Variants in STXBP5 observed in about 807,000 individuals in gnomAD.
The protein encoded by STXBP5 is syntaxin binding protein 5.
STXBP5 carries 50 observed loss-of-function variants against 152.4 expected under a neutral mutation model. The observed-to-expected ratio is 0.33, with a 90% CI of 0.26 to 0.42. STXBP5 has a LOEUF of 0.42. Ranked by LOEUF, STXBP5 falls within the 10% of genes least tolerant of loss-of-function variation. The pLI, the probability that STXBP5 is intolerant of heterozygous loss-of-function variation, is 1.00. For synonymous variants in STXBP5, 492 were observed against 494.7 expected (o/e 0.99, Z 0.07); for missense variants, 1,167 against 1,388.6 (o/e 0.84, Z 2.54).
At chr6:147,316,787 C>G (rs1782667745) in intron 16 of STXBP5, among the ~76,000 whole-genome samples, 1 of 152,000 alleles carries the variant, frequency 6.6e-6, no homozygotes, top group Non-Finnish European at 1.5e-5. Flanking sequence ...TTTTAAGACT[C>G]AGTTGTTTTC....
chr6:147,293,511 C>CT (rs1781379372), intron 9 of STXBP5: 1 of 152,222 alleles, frequency 6.6e-6, no homozygotes, highest in Non-Finnish European at 1.5e-5. Flanking sequence ...CAGCACTCAT[C>CT]TTTTTCCTGT....
At chr6:147,236,496 A>G (rs1252782635) in intron 3 of STXBP5, among the ~76,000 whole-genome samples, 1 of 152,172 alleles carries the variant, frequency 6.6e-6, no homozygotes, top group East Asian at 1.9e-4. Context: ...TTATATAACA[A>G]TAGTATGATA....
intron 4 of STXBP5, among the ~76,000 whole-genome samples, chr6:147,246,133 T>C (rs1008596960): frequency 6.6e-6 from 1 of 152,236 alleles, no homozygotes; most frequent in Non-Finnish European, 1.5e-5. Context: ...AACTGAGAAT[T>C]TGATAAGTAA....
In STXBP5 at chr6:147,386,082, T is replaced by C. The variant is rs889805630; in HGVS notation, c.*1327T>C. ...GACAATGAATGATTGTTTCATAGAA[T>C]AGCATTACGGGCAGGAAAGAAACCA... is the stretch of plus-strand genomic sequence containing the variant. On this transcript the variant is annotated 3_prime_UTR_variant, in exon 28 of 28. Transcript: ENST00000321680. 1.3e-5 allele frequency: 2 copies of C among 152,018 alleles called. No homozygotes were observed. The highest frequency in any genetic ancestry group is 1.9e-4 in the East Asian group (1 of 5,178). 9.4% of individuals were successfully genotyped at this position (152,018 alleles called of 1,614,324 possible).
At chr6:147,383,520 C>CT (rs1211140993) in intron 27 of STXBP5, among the ~76,000 whole-genome samples, 7 of 152,110 alleles carry the variant, frequency 4.6e-5, no homozygotes, top group Admixed American at 4.6e-4. Context: ...GAAACACACG[C>CT]TGTAAAGTAG....
At chr6:147,346,214 G>C (rs547398075) in intron 21 of STXBP5, among the ~76,000 whole-genome samples, 3 of 152,236 alleles carry the variant, frequency 2.0e-5, no homozygotes, top group Admixed American at 6.5e-5. Context: ...AATGAGTTTC[G>C]TAAGTGATTC....
intron 25 of STXBP5, among the ~76,000 whole-genome samples, chr6:147,373,421 C>G (rs963736746): frequency 6.9e-6 from 1 of 144,316 alleles, no homozygotes; most frequent in African/African-American, 2.6e-5. Context: ...ATCCTATTAT[C>G]AATTGATATG....
intron 11 of STXBP5, among the ~76,000 whole-genome samples, chr6:147,313,149 C>G (rs571036861): frequency 1.3e-5 from 2 of 152,130 alleles, no homozygotes; most frequent in African/African-American, 2.4e-5. Flanking sequence ...TTGGAAATTT[C>G]TCTCTTCTGT....
intron 4 of STXBP5, among the ~76,000 whole-genome samples, chr6:147,255,630 G>A (rs997347919): frequency 1.3e-5 from 2 of 152,114 alleles, no homozygotes; most frequent in African/African-American, 2.4e-5. Context: ...CAATCCTCCT[G>A]CCTCAGCCTC....
intron 25 of STXBP5, among the ~76,000 whole-genome samples, chr6:147,371,045 A>G (rs1785516722): frequency 6.6e-6 from 1 of 152,054 alleles, no homozygotes; most frequent in Non-Finnish European, 1.5e-5. Flanking sequence ...GCAAGAGTCT[A>G]AAATCAGACA....
At chr6:147,293,994 G>A (rs1351607658) in intron 9 of STXBP5, among the ~76,000 whole-genome samples, 1 of 152,154 alleles carries the variant, frequency 6.6e-6, no homozygotes, top group Non-Finnish European at 1.5e-5. Context: ...ATGGAATTGA[G>A]ATGTTACATA....
At chr6:147,230,851 G>A (rs140693325) in intron 2 of STXBP5, among the ~76,000 whole-genome samples, 191 of 151,926 alleles carry the variant, frequency 1.3e-3, no homozygotes, top group African/African-American at 4.1e-3. Flanking sequence ...AGAGCTTATC[G>A]TAGAGAACTA....
At chr6:147,374,193 G>C (rs1785700844) in intron 26 of STXBP5, among the ~76,000 whole-genome samples, 1 of 152,092 alleles carries the variant, frequency 6.6e-6, no homozygotes, top group South Asian at 2.1e-4. Context: ...CATTTAATCT[G>C]TCTTTCAAAA....
chr6:147,231,361 G>A (rs1206666967), intron 2 of STXBP5, among the ~76,000 whole-genome samples: 5 of 151,790 alleles, frequency 3.3e-5, no homozygotes, highest in Non-Finnish European at 7.4e-5. Context: ...TCTGGACATG[G>A]ACCATGAGTC....
At chr6:147,295,186 A>G (rs889899266) in intron 9 of STXBP5, among the ~76,000 whole-genome samples, 2 of 152,162 alleles carry the variant, frequency 1.3e-5, no homozygotes, top group African/African-American at 4.8e-5. Context: ...TTTTCTTTTC[A>G]CTAGTAGACT....
chr6:147,363,306 C>G, intron 23 of STXBP5, 29 bp from the exon 24 acceptor site: 1 of 1,528,838 alleles, frequency 6.5e-7, no homozygotes, highest in Non-Finnish European at 8.8e-7. Flanking sequence ...TAAAATATTT[C>G]AGTTATTTAC....
chr6:147,261,978 T>C (rs968663066), intron 5 of STXBP5, among the ~76,000 whole-genome samples: 3 of 151,980 alleles, frequency 2.0e-5, no homozygotes, highest in South Asian at 2.1e-4. Context: ...TATTCAAAAA[T>C]AGTAATTTTG....
intron 14 of STXBP5, among the ~76,000 whole-genome samples, chr6:147,315,203 GTTGT>G (rs1384637964): frequency 6.6e-6 from 1 of 151,842 alleles, no homozygotes; most frequent in Non-Finnish European, 1.5e-5. Flanking sequence ...AGCAAACTGT[GTTGT>G]TTATTATTTT....
chr6:147,369,138 G>A (rs1785429486), intron 25 of STXBP5, among the ~76,000 whole-genome samples: 1 of 151,960 alleles, frequency 6.6e-6, no homozygotes, highest in South Asian at 2.1e-4. Context: ...GAGATGAATG[G>A]ATCAGAATAG....
Sources: gnomAD v4.1 joint callset for allele counts (sites outside exome capture counted in the v4.1 genomes callset) on GRCh38, gnomAD v4.1.1 for gene constraint, MANE v1.5 for transcripts, NCBI Gene and HGNC (gene_info 2026-07-23, HGNC 2026-07-21) for gene names.